CCDC73: variants seen among roughly 807,000 people sequenced by gnomAD.
CCDC73 encodes the protein coiled-coil domain-containing protein 73.
In CCDC73, 95 loss-of-function variants were observed where a neutral mutation model predicts 116.5. The ratio of observed to expected loss-of-function variants is 0.82; its 90% CI spans 0.69 to 0.97. The LOEUF (loss-of-function observed/expected upper bound fraction) is 0.97. CCDC73 is among the 50% of genes least tolerant of loss of function. CCDC73 has a pLI of 0.00. For missense variants in CCDC73, 1,066 were observed against 1,206.8 expected (o/e 0.88, Z 1.73); for synonymous variants, 398 against 401.3 (o/e 0.99, Z 0.10).
intron 7 of CCDC73, 58 bp from the exon 8 acceptor site, chr11:32,676,079 C>A: frequency 7.4e-7 from 1 of 1,360,530 alleles, no homozygotes; most frequent in Admixed American, 2.5e-5. Context: ...TCGCCACACA[C>A]AACAAATATG....
chr11:32,824,158 G>C, the CCDC73 span, among the ~76,000 whole-genome samples: 1 of 152,106 alleles, frequency 6.6e-6, no homozygotes, highest in Non-Finnish European at 1.5e-5. Context: ...GATTCCTAAA[G>C]TGTTAGGATT....
intron 2 of CCDC73, among the ~76,000 whole-genome samples, chr11:32,748,833 T>G (rs1370786518): frequency 6.6e-6 from 1 of 152,232 alleles, no homozygotes; most frequent in Admixed American, 6.5e-5. Context: ...CATACTATTC[T>G]AGGGTAAAAC....
intron 9 of CCDC73, among the ~76,000 whole-genome samples, chr11:32,668,211 T>C (rs963721284): frequency 2.0e-5 from 3 of 152,160 alleles, no homozygotes; most frequent in Admixed American, 2.0e-4. Flanking sequence ...TCCCTACTGG[T>C]AAAATAAAGT....
intron 2 of CCDC73, among the ~76,000 whole-genome samples, chr11:32,748,382 G>T (rs1431049983): frequency 6.6e-6 from 1 of 152,082 alleles, no homozygotes; most frequent in Non-Finnish European, 1.5e-5. Flanking sequence ...AATTAATACT[G>T]ATTGCATAAA....
chr11:32,810,478 G>A, the CCDC73 span, among the ~76,000 whole-genome samples: 1 of 152,158 alleles, frequency 6.6e-6, no homozygotes, highest in Non-Finnish European at 1.5e-5. Flanking sequence ...AATTAAAACA[G>A]AGCAAAACTA....
chr11:32,733,941 G>A (rs915977466), intron 2 of CCDC73, among the ~76,000 whole-genome samples: 3 of 150,744 alleles, frequency 2.0e-5, no homozygotes, highest in Non-Finnish European at 4.4e-5. Flanking sequence ...GAAGTAGATA[G>A]AGACACAAAA....
intron 12 of CCDC73, among the ~76,000 whole-genome samples, chr11:32,642,692 G>T (rs1295235610): frequency 1.3e-5 from 2 of 151,764 alleles, no homozygotes; most frequent in Non-Finnish European, 3.0e-5. Flanking sequence ...TATTAAATCA[G>T]TGTCATCAAT....
chr11:32,829,350 G>A, the CCDC73 span, among the ~76,000 whole-genome samples: 1 of 152,160 alleles, frequency 6.6e-6, no homozygotes, highest in Non-Finnish European at 1.5e-5. Flanking sequence ...GAATGAAAGT[G>A]AAAATGGCAA....
At chr11:32,682,444 A>C (rs1373264273) in intron 7 of CCDC73, 1 of 152,010 alleles carries the variant, frequency 6.6e-6, no homozygotes, top group East Asian at 1.9e-4. Flanking sequence ...AATCAAGCTT[A>C]GCAGTCTATG....
intron 3 of CCDC73, among the ~76,000 whole-genome samples, chr11:32,715,455 T>C (rs1565083276): frequency 6.6e-6 from 1 of 151,610 alleles, no homozygotes; most frequent in Non-Finnish European, 1.5e-5. Flanking sequence ...TATAAAGTGA[T>C]CCAACAAATT....
chr11:32,778,872 C>A (rs1009462014), intron 1 of CCDC73, among the ~76,000 whole-genome samples: 1 of 151,884 alleles, frequency 6.6e-6, no homozygotes, highest in Non-Finnish European at 1.5e-5. Context: ...AAATATGAAC[C>A]AGGACAAGCA....
chr11:32,830,081 G>A, the CCDC73 span: 1 of 989,630 alleles, frequency 1.0e-6, no homozygotes, highest in Non-Finnish European at 1.2e-6. Context: ...GAGGTTTGAG[G>A]GCGCCGGAGA....
chr11:32,736,603 C>T (rs1382541278), intron 2 of CCDC73, among the ~76,000 whole-genome samples: 7 of 151,900 alleles, frequency 4.6e-5, no homozygotes, highest in African/African-American at 4.8e-5. Flanking sequence ...GTCAGTGTGG[C>T]GATTCCTCAA....
Position 32,614,096 on chromosome 11 carries a change from GA to G in CCDC73, c.2221del (p.Ser741GlnfsTer12), listed in dbSNP as rs1466159251. ...HSMSMLVKPN[S>X]SPGGKTMCKN... ...ACACATAGTTTTTCCCCCAGGGCTT[GA>G]GTTAGGTTTCACCAACATAGACATA... On this transcript the variant is annotated frameshift_variant, in exon 16 of 18. Transcript: ENST00000335185. LOFTEE classifies it high-confidence loss of function. The G allele has an allele frequency of 6.2e-7, 1 of 1,613,488 alleles. No homozygotes were observed. The highest frequency in any genetic ancestry group is 8.5e-7 in the Non-Finnish European group (1 of 1,179,876).
chr11:32,706,139 G>T (rs1849853870), intron 3 of CCDC73, among the ~76,000 whole-genome samples: 1 of 152,068 alleles, frequency 6.6e-6, no homozygotes. Context: ...ATCTTTCAGG[G>T]GCTATCCCCA....
chr11:32,729,806 A>G (rs1850059459), intron 2 of CCDC73, among the ~76,000 whole-genome samples: 1 of 152,142 alleles, frequency 6.6e-6, no homozygotes, highest in Non-Finnish European at 1.5e-5. Context: ...ACTTCTTTCA[A>G]CAGTGAAAAA....
At chr11:32,693,665 A>T (rs1245737173) in intron 6 of CCDC73, among the ~76,000 whole-genome samples, 6 of 152,218 alleles carry the variant, frequency 3.9e-5, no homozygotes, top group Admixed American at 3.9e-4. Context: ...AAAAATCCTC[A>T]ATAAAATACT....
chr11:32,686,747 A>G (rs1163487954), intron 6 of CCDC73, among the ~76,000 whole-genome samples: 2 of 152,328 alleles, frequency 1.3e-5, no homozygotes, highest in East Asian at 1.9e-4. Flanking sequence ...ATACCTCTAG[A>G]GCATTGCCCA....
intron 14 of CCDC73, among the ~76,000 whole-genome samples, chr11:32,623,700 A>G (rs930492863): frequency 6.6e-6 from 1 of 152,200 alleles, no homozygotes. Flanking sequence ...GAAAGCAAAA[A>G]GTATGAGTTT....
Sources: allele counts gnomAD v4.1 joint callset (sites outside exome capture counted in the v4.1 genomes callset), GRCh38; gene constraint gnomAD v4.1.1; transcripts MANE v1.5; gene names NCBI Gene and HGNC (gene_info 2026-07-23, HGNC 2026-07-21).